The following ERC1 variants were observed in gnomAD, a reference collection of about 807,000 sequenced individuals.
ERC1 encodes the protein ELKS/RAB6-interacting/CAST family member 1.
Under a neutral mutation model 132.0 loss-of-function variants are expected in ERC1, and 56 were observed. That is an observed-to-expected ratio of 0.42 (90% CI 0.34 to 0.53). The LOEUF is 0.53. Ranked by LOEUF, ERC1 falls within the 20% of genes least tolerant of loss-of-function variation. The pLI is 0.03. For missense variants in ERC1, 1,202 were observed against 1,349.9 expected (o/e 0.89, Z 1.72); for synonymous variants, 478 against 476.1 (o/e 1.00, Z -0.05).
At chr12:1,309,922 ATTTGTT>A (rs1396122586) in intron 15 of ERC1, among the ~76,000 whole-genome samples, 1 of 149,536 alleles carries the variant, frequency 6.7e-6, no homozygotes, top group Non-Finnish European at 1.5e-5. Context: ...TGCTGAGGGG[ATTTGTT>A]TTCTTTTGTT....
At chr12:1,036,681 T>G (rs924410667) in intron 2 of ERC1, among the ~76,000 whole-genome samples, 3 of 152,212 alleles carry the variant, frequency 2.0e-5, no homozygotes, top group African/African-American at 7.2e-5. Context: ...TGGCCTTAAA[T>G]AAACTTTGTC....
chr12:1,144,292 G>A (rs2968893), intron 8 of ERC1, among the ~76,000 whole-genome samples: 2 of 152,134 alleles, frequency 1.3e-5, no homozygotes, highest in African/African-American at 4.8e-5. Context: ...AGAACAGGTG[G>A]TGTTTGGTGA....
At chr12:1,444,270 G>T (rs1351745960) in intron 17 of ERC1, 1 of 225,672 alleles carries the variant, frequency 4.4e-6, no homozygotes, top group Non-Finnish European at 8.7e-6. Context: ...AAACAAGTTA[G>T]TCCTGTGCTT....
At chr12:1,002,011 C>T (rs1051126435) in intron 1 of ERC1, among the ~76,000 whole-genome samples, 13 of 151,704 alleles carry the variant, frequency 8.6e-5, no homozygotes, top group Admixed American at 7.2e-4. Flanking sequence ...CAGGTGCCCA[C>T]CATCACACCC....
Position 1,225,516 on chromosome 12 carries a change from G to A in ERC1, c.2352-11253G>A, listed in dbSNP as rs80253585. ...CACGGAGTGGTTGATTGGATAGGAT[G>A]AGGGTAATGAATTTCTTGAATTGTT... On this transcript the variant is annotated intron_variant, in intron 12 of 18. Coordinates refer to ENST00000360905, the MANE Select transcript of ERC1 (RefSeq NM_178040.4). Among the ~76,000 whole-genome samples, 438 of 151,764 alleles carry A rather than the reference G, an allele frequency of 2.9e-3. 4 individuals carry two copies. The highest frequency in any genetic ancestry group is 0.02 in the Middle Eastern group (6 of 294).
intron 2 of ERC1, among the ~76,000 whole-genome samples, chr12:1,038,632 T>C (rs773243994): frequency 1.8e-4 from 28 of 152,208 alleles, no homozygotes; most frequent in Non-Finnish European, 3.8e-4. Context: ...GTGCTAAGAT[T>C]ACAGGCGTGA....
At chr12:1,372,108 T>A in intron 16 of ERC1, 131 bp downstream of exon 16, 1 of 1,142,326 alleles carries the variant, frequency 8.8e-7, no homozygotes, top group Non-Finnish European at 1.2e-6. Flanking sequence ...GCTAGTTAGT[T>A]TCCATCATTA....
At position 1,485,406 on chromosome 12, in the gene ERC1, C is replaced by T. The variant is rs111400258; in HGVS notation, c.3214-4687C>T. Among the ~76,000 whole-genome samples the T allele has an allele frequency of 7.5e-3, 1,126 of 150,470 alleles. 19 individuals carry two copies. Among genetic ancestry groups the T allele is most frequent in the African/African-American group, 0.026 (1,045 of 40,434 alleles). The stretch of plus-strand genomic sequence containing the variant: ...TTTTAGTAGAGACAGAGTTTCACCA[C>T]ATTGGCCAGGCTGGTCTTGAACTCC... On this transcript the variant is annotated intron_variant, in intron 18 of 18. Coordinates refer to ENST00000360905, the MANE Select transcript of ERC1 (RefSeq NM_178040.4).
chr12:1,094,197 T>G (rs1226209258), intron 3 of ERC1, among the ~76,000 whole-genome samples: 10 of 150,624 alleles, frequency 6.6e-5, no homozygotes, highest in Admixed American at 6.6e-4. Flanking sequence ...TTTTGTATTT[T>G]TAATAGAGAT....
chr12:1,424,816 T>C (rs916413092), intron 17 of ERC1, among the ~76,000 whole-genome samples: 1 of 137,874 alleles, frequency 7.3e-6, no homozygotes. Context: ...GATAGATAGA[T>C]AGATAGATAG....
In ERC1 at chr12:1,388,642, G is replaced by C. The variant is rs191671796; in HGVS notation, c.2925+16665G>C. Among the ~76,000 whole-genome samples the C allele has an allele frequency of 2.2e-3, 328 of 152,290 alleles. 1 individual carries two copies. The highest frequency in any genetic ancestry group is 7.6e-3 in the African/African-American group (314 of 41,568). On this transcript the variant is annotated intron_variant, in intron 16 of 18. Coordinates refer to ENST00000360905, the MANE Select transcript of ERC1 (RefSeq NM_178040.4). ...GCTTTTAGTCTCACCGATGTTTTCAGAGTTTTCTTTTATAGATAAATCAAT... is the reference window on the plus strand; with the variant it reads ...GCTTTTAGTCTCACCGATGTTTTCACAGTTTTCTTTTATAGATAAATCAAT...
At chr12:1,321,797 G>A (rs1355483295) in intron 15 of ERC1, among the ~76,000 whole-genome samples, 2 of 152,158 alleles carry the variant, frequency 1.3e-5, no homozygotes, top group East Asian at 1.9e-4. Context: ...ACTGTGAGAA[G>A]CATTTATCTC....
chr12:1,194,664 C>T (rs1418735126), intron 12 of ERC1, among the ~76,000 whole-genome samples: 2 of 152,102 alleles, frequency 1.3e-5, no homozygotes, highest in Non-Finnish European at 2.9e-5. Context: ...AATGGATTCA[C>T]AGAGTTTAGT....
chr12:1,482,756 A>G (rs950982203), intron 18 of ERC1, among the ~76,000 whole-genome samples: 1 of 151,906 alleles, frequency 6.6e-6, no homozygotes, highest in African/African-American at 2.4e-5. Context: ...CAATTTTTTT[A>G]TAGTTTTACT....
intron 2 of ERC1, among the ~76,000 whole-genome samples, chr12:1,038,793 G>A (rs1280454845): frequency 6.6e-6 from 1 of 152,212 alleles, no homozygotes; most frequent in Non-Finnish European, 1.5e-5. Flanking sequence ...ACTGCTGTCA[G>A]CAGAGTGGAT....
intron 2 of ERC1, among the ~76,000 whole-genome samples, chr12:1,065,585 T>C (rs1357427243): frequency 1.6e-5 from 1 of 63,168 alleles, no homozygotes; most frequent in Non-Finnish European, 3.3e-5. Context: ...TTCAGAGATT[T>C]CTTTTTTTGG....
At chr12:1,377,832 T>C (rs2088130609) in intron 16 of ERC1, among the ~76,000 whole-genome samples, 1 of 152,176 alleles carries the variant, frequency 6.6e-6, no homozygotes, top group Admixed American at 6.5e-5. Flanking sequence ...TTATTTGGAC[T>C]AAAATTTCCC....
chr12:1,042,627 C>T (rs994713841), intron 2 of ERC1, among the ~76,000 whole-genome samples: 16 of 151,832 alleles, frequency 1.1e-4, no homozygotes, highest in East Asian at 3.8e-4. Flanking sequence ...TGTGAGCCAC[C>T]GCACTCGGCC....
intron 18 of ERC1, among the ~76,000 whole-genome samples, chr12:1,468,297 C>T (rs1327593523): frequency 6.6e-6 from 1 of 152,076 alleles, no homozygotes; most frequent in Non-Finnish European, 1.5e-5. Flanking sequence ...AAGCAAAAAA[C>T]TCCAACTAGA....
Sources: gnomAD v4.1 joint callset for allele counts (sites outside exome capture counted in the v4.1 genomes callset) on GRCh38, gnomAD v4.1.1 for gene constraint, MANE v1.5 for transcripts, NCBI Gene and HGNC (gene_info 2026-07-23, HGNC 2026-07-21) for gene names.